The following COL26A1 variants were observed in gnomAD, a reference collection of about 807,000 sequenced individuals.
The protein encoded by COL26A1 is collagen alpha-1(XXVI) chain.
COL26A1 carries 41 observed loss-of-function variants against 59.3 expected under a neutral mutation model. The ratio of observed to expected loss-of-function variants is 0.69; its 90% CI spans 0.54 to 0.90. The LOEUF (loss-of-function observed/expected upper bound fraction) is 0.90, where lower values mean the gene tolerates loss of function less well. COL26A1 is among the 40% of genes least tolerant of loss of function. The pLI, the probability that COL26A1 is intolerant of heterozygous loss-of-function variation, is 0.00. For missense variants in COL26A1, 612 were observed against 602.3 expected (o/e 1.02, Z -0.17); for synonymous variants, 266 against 256.0 (o/e 1.04, Z -0.37).
At position 101,489,830 on chromosome 7, in the gene COL26A1, CTTTCTTTCTTTCTTT is replaced by C. The variant is rs1563008160; in HGVS notation, c.385+42044_385+42058del. The stretch of plus-strand genomic sequence containing the variant: ...TCTTTCTTTCTTTCTTTCTTTCTTT[CTTTCTTTCTTTCTTT>C]CTTTCTTTCTTTCTTTCTTTCTTTC... On this transcript the variant is annotated intron_variant, in intron 3 of 12. Coordinates refer to ENST00000313669, the MANE Select transcript of COL26A1 (RefSeq NM_001278563.3). Among the ~76,000 whole-genome samples, 17 of 11,574 alleles carry C rather than the reference CTTTCTTTCTTTCTTT, an allele frequency of 1.5e-3. 2 individuals are homozygous for C. The highest frequency in any genetic ancestry group is 3.9e-3 in the Admixed American group (4 of 1,022). 7.6% of individuals were successfully genotyped at this position (11,574 alleles called of 152,430 possible).
chr7:101,525,171 C>CT (rs34881584), intron 3 of COL26A1, among the ~76,000 whole-genome samples: 1,080 of 73,912 alleles, frequency 0.015, 152 homozygotes, highest in African/African-American at 0.032. Flanking sequence ...TGACTTCATT[C>CT]TTTTTTTTTT....
At chr7:101,373,661 T>C (rs1294906831) in intron 1 of COL26A1, among the ~76,000 whole-genome samples, 1 of 152,172 alleles carries the variant, frequency 6.6e-6, no homozygotes, top group Non-Finnish European at 1.5e-5. Context: ...CTCCTGAAGC[T>C]GCTTTTAGGG....
chr7:101,491,260 C>T lies in COL26A1; in HGVS notation c.386-41822C>T, dbSNP rs76380237. Among the ~76,000 whole-genome samples the T allele has an allele frequency of 4.8e-3, 723 of 152,108 alleles. 6 individuals are homozygous for T. Among genetic ancestry groups the T allele is most frequent in the East Asian group, 0.017 (89 of 5,174 alleles). On this transcript the variant is annotated intron_variant, in intron 3 of 12. Transcript: ENST00000313669. ...CCTCCCAACTCCCGTGCAGGGGTGTCGTATTGGTGGCTTGAAATTGGCCAT... is the reference window on the plus strand; with the variant it reads ...CCTCCCAACTCCCGTGCAGGGGTGTTGTATTGGTGGCTTGAAATTGGCCAT...
intron 3 of COL26A1, among the ~76,000 whole-genome samples, chr7:101,473,142 C>A (rs1018606956): frequency 2.0e-5 from 3 of 151,560 alleles, no homozygotes; most frequent in African/African-American, 7.3e-5. Flanking sequence ...TGCAGTGGCA[C>A]AATCTCTGCT....
intron 2 of COL26A1, among the ~76,000 whole-genome samples, chr7:101,432,827 C>G (rs2130324160): frequency 6.6e-6 from 1 of 152,204 alleles, no homozygotes; most frequent in African/African-American, 2.4e-5. Flanking sequence ...CTCAGCCTCC[C>G]TAGTAGCTGG....
chr7:101,386,095 C>T (rs1215206864), intron 1 of COL26A1, among the ~76,000 whole-genome samples: 2 of 152,016 alleles, frequency 1.3e-5, no homozygotes, highest in East Asian at 1.9e-4. Context: ...AAGGGTGGGG[C>T]TTCATCTTTT....
intron 3 of COL26A1, among the ~76,000 whole-genome samples, chr7:101,519,713 C>G (rs1014646146): frequency 3.3e-5 from 5 of 152,184 alleles, no homozygotes; most frequent in South Asian, 4.1e-4. Flanking sequence ...CAGGGACCAC[C>G]TGGACACTCT....
At chr7:101,442,190 A>T (rs929324318) in intron 2 of COL26A1, among the ~76,000 whole-genome samples, 4 of 151,456 alleles carry the variant, frequency 2.6e-5, no homozygotes, top group African/African-American at 9.7e-5. Context: ...TAGTCGGAAG[A>T]CCATTTCAGG....
intron 2 of COL26A1, among the ~76,000 whole-genome samples, chr7:101,433,444 G>A (rs1792828508): frequency 6.6e-6 from 1 of 152,132 alleles, no homozygotes; most frequent in Admixed American, 6.6e-5. Context: ...GGCTTAGGAG[G>A]GGAGGCAGGT....
At chr7:101,479,048 A>G (rs1406208478) in intron 3 of COL26A1, among the ~76,000 whole-genome samples, 1 of 152,208 alleles carries the variant, frequency 6.6e-6, no homozygotes, top group African/African-American at 2.4e-5. Flanking sequence ...TTTCACAATT[A>G]CAAACAGTGC....
intron 4 of COL26A1, among the ~76,000 whole-genome samples, chr7:101,534,499 C>T (rs943935899): frequency 6.6e-6 from 1 of 152,134 alleles, no homozygotes; most frequent in Non-Finnish European, 1.5e-5. Flanking sequence ...CATATATACA[C>T]ATACAGACAC....
intron 3 of COL26A1, among the ~76,000 whole-genome samples, chr7:101,499,866 G>A (rs1053597683): frequency 2.1e-5 from 3 of 140,910 alleles, no homozygotes; most frequent in African/African-American, 8.6e-5. Flanking sequence ...GGTGATAGAG[G>A]GAGTCCCTGC....
At chr7:101,385,964 G>C (rs1039463079) in intron 1 of COL26A1, among the ~76,000 whole-genome samples, 1 of 152,054 alleles carries the variant, frequency 6.6e-6, no homozygotes, top group African/African-American at 2.4e-5. Context: ...GCCTGCCTCG[G>C]CCTCCCAAAG....
intron 3 of COL26A1, among the ~76,000 whole-genome samples, chr7:101,477,140 G>A (rs546784326): frequency 3.1e-4 from 47 of 152,200 alleles, no homozygotes; most frequent in Non-Finnish European, 5.3e-4. Context: ...CACCGAGCCC[G>A]GCCTCTGGTT....
chr7:101,374,592 G>A (rs967769305), intron 1 of COL26A1, among the ~76,000 whole-genome samples: 2 of 152,158 alleles, frequency 1.3e-5, no homozygotes, highest in Non-Finnish European at 2.9e-5. Context: ...AGGGATCTAG[G>A]TTATGCACTT....
At chr7:101,437,731 C>T (rs904544570) in intron 2 of COL26A1, among the ~76,000 whole-genome samples, 2 of 149,494 alleles carry the variant, frequency 1.3e-5, no homozygotes, top group East Asian at 2.0e-4. Context: ...CGTGCCACTA[C>T]ACCCCACTAA....
At chr7:101,378,515 C>G (rs1472189706) in intron 1 of COL26A1, among the ~76,000 whole-genome samples, 1 of 151,964 alleles carries the variant, frequency 6.6e-6, no homozygotes, top group African/African-American at 2.4e-5. Flanking sequence ...GAGCAAGACT[C>G]CATCTAAAAC....
chr7:101,409,852 C>G (rs1792203954), intron 1 of COL26A1, among the ~76,000 whole-genome samples: 1 of 152,134 alleles, frequency 6.6e-6, no homozygotes, highest in Admixed American at 6.5e-5. Flanking sequence ...CCTCCACCTC[C>G]CGGGTTCATG....
At chr7:101,555,686 G>A (rs921400952) in intron 11 of COL26A1, 101 bp from the exon 12 acceptor site, 6 of 746,200 alleles carry the variant, frequency 8.0e-6, no homozygotes, top group Admixed American at 2.2e-5. Context: ...GAAGAGGCAG[G>A]GGTGGGGGGC....
Sources: gnomAD v4.1 joint callset for allele counts (sites outside exome capture counted in the v4.1 genomes callset) on GRCh38, gnomAD v4.1.1 for gene constraint, MANE v1.5 for transcripts, NCBI Gene and HGNC (gene_info 2026-07-23, HGNC 2026-07-21) for gene names.